Variants in APPL1 observed in about 807,000 individuals in gnomAD.
APPL1 encodes adaptor protein, phosphotyrosine interacting with PH domain and leucine zipper 1, also known as DCC-interacting protein 13-alpha.
In APPL1, 42 loss-of-function variants were observed where a neutral mutation model predicts 106.8. The observed-to-expected ratio is 0.39, with a 90% confidence interval of 0.31 to 0.51. The LOEUF (loss-of-function observed/expected upper bound fraction) is 0.51, where lower values mean the gene tolerates loss of function less well. Ranked by LOEUF, APPL1 falls within the 20% of genes least tolerant of loss-of-function variation. The pLI is 0.75. For synonymous variants in APPL1, 263 were observed against 281.8 expected (o/e 0.93, Z 0.67); for missense variants, 769 against 858.2 (o/e 0.90, Z 1.30).
intron 1 of APPL1, among the ~76,000 whole-genome samples, chr3:57,229,053 T>C (rs1236897300): frequency 6.6e-6 from 1 of 152,224 alleles, no homozygotes; most frequent in Admixed American, 6.5e-5. Flanking sequence ...TTCTTTTTTA[T>C]TCTGAAAGTT....
intron 8 of APPL1, among the ~76,000 whole-genome samples, chr3:57,247,091 A>G (rs2060778022): frequency 6.6e-6 from 1 of 152,182 alleles, no homozygotes; most frequent in South Asian, 2.1e-4. Flanking sequence ...GAAATACTTT[A>G]TATAATTTAT....
At chr3:57,256,785 G>C (rs1458853631) in intron 13 of APPL1, among the ~76,000 whole-genome samples, 172 bp from the exon 14 acceptor site, 2 of 152,132 alleles carry the variant, frequency 1.3e-5, no homozygotes, top group Non-Finnish European at 2.9e-5. Context: ...GAAGTAAGAG[G>C]AAATCAGTTA....
At position 57,269,692 on chromosome 3, in the gene APPL1, A is replaced by T. The variant is rs766945936; in HGVS notation, c.*5A>T. The T allele has an allele frequency of 5.1e-5, 82 of 1,613,526 alleles. No homozygotes were observed. Among genetic ancestry groups the T allele is most frequent in the Non-Finnish European group, 6.2e-5 (73 of 1,179,730 alleles). On this transcript the variant is annotated 3_prime_UTR_variant, in exon 22 of 22. Transcript: ENST00000288266. ...AAGAGAGAATCAGAAGCATAAGCTT[A>T]TACTTTTGGTAGATATTCCCCCTTG... is the stretch of plus-strand genomic sequence containing the variant.
Position 57,238,043 on chromosome 3 carries a change from A to G in APPL1, c.214-2A>G, listed in dbSNP as rs2060725288. The G allele has an allele frequency of 6.2e-7, 1 of 1,607,818 alleles. No individual in the cohort carries two copies. On this transcript the variant is annotated splice_acceptor_variant, in intron 3 of 21. Coordinates refer to ENST00000288266, the MANE Select transcript of APPL1 (RefSeq NM_012096.3). LOFTEE classifies it high-confidence loss of function. ...TTACCTCATCTGTTTCTTGCTTTTC[A>G]GCGTTTTCCATTGGGAGGTGATGAT...
chr3:57,236,594 C>T (rs1203166401), intron 2 of APPL1, among the ~76,000 whole-genome samples: 1 of 152,248 alleles, frequency 6.6e-6, no homozygotes, highest in Non-Finnish European at 1.5e-5. Context: ...TCCCAAAGTG[C>T]TGGGATTACA....
rs1467284378 is a variant in APPL1 at position 57,231,714 on chromosome 3, A to G, written c.54+3777A>G. Among the ~76,000 whole-genome samples, 3 of 151,758 alleles carry G rather than the reference A, an allele frequency of 2.0e-5. No individual in the cohort carries two copies. In the East Asian group the frequency reaches 5.8e-4, roughly 29 times the overall value. ...TCCCAGCTATTCAGGAGGCTAGGGCAGGAGGATCGATTGAGTCCAGGAGTC... is the reference window on the plus strand; with the variant it reads ...TCCCAGCTATTCAGGAGGCTAGGGCGGGAGGATCGATTGAGTCCAGGAGTC... On this transcript the variant is annotated intron_variant, in intron 1 of 21. Transcript: ENST00000288266.
intron 13 of APPL1, 120 bp downstream of exon 13, chr3:57,253,858 G>T (rs1444522810): frequency 2.2e-3 from 970 of 449,812 alleles, no homozygotes; most frequent in Non-Finnish European, 2.9e-3. Flanking sequence ...CCTTGAATGA[G>T]TAGCTTTTTT....
At chr3:57,230,021 G>A (rs567728803) in intron 1 of APPL1, among the ~76,000 whole-genome samples, 2 of 152,254 alleles carry the variant, frequency 1.3e-5, no homozygotes, top group African/African-American at 4.8e-5. Context: ...GCCTGTGCCA[G>A]CTAATTTTTA....
Position 57,252,260 on chromosome 3 carries a change from C to G in APPL1, c.1053-9C>G. On this transcript the variant is annotated splice_polypyrimidine_tract_variant and intron_variant, in intron 11 of 21. Coordinates refer to ENST00000288266, the MANE Select transcript of APPL1 (RefSeq NM_012096.3). ...AACAGTTGAGGCTCAAACGTCTCTT[C>G]TCTTCCAGATCTTCAATTTTGCAAG... 6.2e-7 allele frequency: 1 copy of G among 1,607,358 alleles called. No homozygotes were observed.
At chr3:57,256,015 G>T (rs1051744860) in intron 13 of APPL1, among the ~76,000 whole-genome samples, 5 of 152,122 alleles carry the variant, frequency 3.3e-5, no homozygotes, top group African/African-American at 9.7e-5. Context: ...CTAACCATAA[G>T]ACACAGAAGT....
intron 15 of APPL1, among the ~76,000 whole-genome samples, chr3:57,257,900 C>T (rs562152197): frequency 6.6e-6 from 1 of 152,218 alleles, no homozygotes; most frequent in African/African-American, 2.4e-5. Context: ...CTCACCAAAG[C>T]AGTTAAAATT....
intron 9 of APPL1, 71 bp downstream of exon 9, chr3:57,247,548 A>C: frequency 1.0e-6 from 1 of 981,680 alleles, no homozygotes; most frequent in Non-Finnish European, 1.5e-6. Context: ...CATAATGTAA[A>C]GATATTTATC....
chr3:57,230,794 CAG>C (rs967845365), intron 1 of APPL1: 1 of 454,448 alleles, frequency 2.2e-6, no homozygotes, highest in African/African-American at 2.1e-5. Flanking sequence ...TTTTTTGAGA[CAG>C]AGTCTCACTG....
At chr3:57,237,678 C>G in intron 3 of APPL1, 127 bp downstream of exon 3, 1 of 617,996 alleles carries the variant, frequency 1.6e-6, no homozygotes, top group Non-Finnish European at 2.7e-6. Context: ...CATGATAGCA[C>G]TTATGTTCAG....
At chr3:57,235,108 G>A (rs1037129045) in intron 1 of APPL1, among the ~76,000 whole-genome samples, 1 of 152,110 alleles carries the variant, frequency 6.6e-6, no homozygotes, top group African/African-American at 2.4e-5. Context: ...CTGAAGAGTC[G>A]GCCATGTTGG....
Position 57,230,918 on chromosome 3 carries a change from A to G in APPL1, c.54+2981A>G, listed in dbSNP as rs2060683010. ...TTTATTTTATTTTTATTTTTTGGAGATGGAGTTTCGCTCTTGTCGCCTAGG... is the reference window on the plus strand; with the variant it reads ...TTTATTTTATTTTTATTTTTTGGAGGTGGAGTTTCGCTCTTGTCGCCTAGG... On this transcript the variant is annotated intron_variant, in intron 1 of 21. Coordinates refer to ENST00000288266, the MANE Select transcript of APPL1 (RefSeq NM_012096.3). 2.0e-5 allele frequency among the ~76,000 whole-genome samples: 3 copies of G among 151,864 alleles called. 1 individual carries two copies. In the South Asian group the frequency reaches 6.2e-4, roughly 32 times the overall value.
At chr3:57,255,189 T>C (rs2060828380) in intron 13 of APPL1, among the ~76,000 whole-genome samples, 2 of 152,012 alleles carry the variant, frequency 1.3e-5, no homozygotes, top group African/African-American at 4.8e-5. Context: ...TACTGCAGTA[T>C]AGTTGGAAGA....
chr3:57,260,071 C>T, intron 17 of APPL1, 46 bp from the exon 18 acceptor site: 1 of 1,605,892 alleles, frequency 6.2e-7, no homozygotes, highest in Non-Finnish European at 8.5e-7. Flanking sequence ...TACATGATTT[C>T]AGCCTAATTA....
At position 57,269,813 on chromosome 3, in the gene APPL1, GCT is replaced by G; in HGVS notation, c.*127_*128del. On this transcript the variant is annotated 3_prime_UTR_variant, in exon 22 of 22. Transcript: ENST00000288266. ...GCTTTATATTTGCTTATTTGTTGTA[GCT>G]ACATTTTAAAAAAAAGATTGAACTT... 2 of 1,111,734 alleles carry G rather than the reference GCT, an allele frequency of 1.8e-6. No individual in the cohort carries two copies. Among genetic ancestry groups the G allele is most frequent in the Admixed American group, 5.0e-5 (2 of 40,352 alleles). 68.9% of individuals were successfully genotyped at this position (1,111,734 alleles called of 1,614,324 possible). A position where few individuals can be genotyped will look rare whatever the true frequency, so the allele number is the denominator to read the frequency against.
Sources: allele counts gnomAD v4.1 joint callset (sites outside exome capture counted in the v4.1 genomes callset), GRCh38; gene constraint gnomAD v4.1.1; transcripts MANE v1.5; gene names NCBI Gene and HGNC (gene_info 2026-07-23, HGNC 2026-07-21).